CNGA1: variants seen among roughly 807,000 people sequenced by gnomAD.
CNGA1 encodes the protein cyclic nucleotide-gated channel alpha-1.
Under a neutral mutation model 69.7 loss-of-function variants are expected in CNGA1, and 53 were observed. That is an observed-to-expected ratio of 0.76 (90% CI 0.61 to 0.96). The LOEUF (loss-of-function observed/expected upper bound fraction) is 0.96, where lower values mean the gene tolerates loss of function less well. CNGA1 is among the 40% of genes least tolerant of loss of function. CNGA1 has a pLI of 0.00. For missense variants in CNGA1, 739 were observed against 811.2 expected (o/e 0.91, Z 1.08); for synonymous variants, 249 against 283.5 (o/e 0.88, Z 1.22).
intron 2 of CNGA1, among the ~76,000 whole-genome samples, chr4:48,001,917 G>A (rs1714678767): frequency 1.3e-5 from 2 of 152,048 alleles, no homozygotes; most frequent in South Asian, 2.1e-4. Flanking sequence ...TGGAAATCAA[G>A]GAACACATTC....
In CNGA1 at chr4:47,972,843, CT is replaced by C. The variant is rs1741115721; in HGVS notation, c.-15+8549del. On this transcript the variant is annotated intron_variant, in intron 3 of 10. Coordinates refer to ENST00000514170, the MANE Select transcript of CNGA1 (RefSeq NM_001379270.1). ...TTAACTACAATTTAATTTTACCTTT[CT>C]GAAGCATAAAATCCTGCCATCTACT... Among the ~76,000 whole-genome samples the C allele has an allele frequency of 1.3e-5, 2 of 152,136 alleles. 1 individual carries two copies. The highest frequency in any genetic ancestry group is 4.1e-4 in the South Asian group (2 of 4,834).
Position 48,016,673 on chromosome 4 carries a change from G to A in CNGA1, c.-413C>T, listed in dbSNP as rs537743235. On this transcript the variant is annotated 5_prime_UTR_variant, in exon 1 of 11. Coordinates refer to ENST00000514170, the MANE Select transcript of CNGA1 (RefSeq NM_001379270.1). ...AACAAGCCCCGGGCAGCAGGGCTCGGCTGGCGCTGAGGCCCCGCCTGGCCA... is the reference window on the plus strand; with the variant it reads ...AACAAGCCCCGGGCAGCAGGGCTCGACTGGCGCTGAGGCCCCGCCTGGCCA... 3 of 602,658 alleles carry A rather than the reference G, an allele frequency of 5.0e-6. No homozygotes were observed. The highest frequency in any genetic ancestry group is 4.0e-5 in the African/African-American group (2 of 50,364). 37.3% of individuals were successfully genotyped at this position (602,658 alleles called of 1,614,324 possible).
intron 2 of CNGA1, among the ~76,000 whole-genome samples, chr4:47,992,894 T>A (rs541199739): frequency 6.6e-6 from 1 of 152,166 alleles, no homozygotes; most frequent in Admixed American, 6.6e-5. Context: ...AGAGTTTTAA[T>A]CATAAAAGGA....
At chr4:48,011,279 A>C (rs1463485128) in intron 1 of CNGA1, among the ~76,000 whole-genome samples, 1 of 151,276 alleles carries the variant, frequency 6.6e-6, no homozygotes, top group African/African-American at 2.4e-5. Flanking sequence ...TGAAGAACAC[A>C]GAATTCAGTC....
intron 2 of CNGA1, among the ~76,000 whole-genome samples, chr4:47,982,683 T>C (rs1741774897): frequency 6.6e-6 from 1 of 152,110 alleles, no homozygotes; most frequent in African/African-American, 2.4e-5. Flanking sequence ...TATCGCTAAA[T>C]ATCTATCTAA....
In CNGA1 at chr4:47,936,209, T is replaced by C. The variant is rs1484578513; in HGVS notation, c.*212A>G. Reference sequence around the variant, plus strand: ...TTAATCAGTTTATATCTTTGCACATTATCAGTTGTGAAAAATCCCAAGATA... The same window carrying C: ...TTAATCAGTTTATATCTTTGCACATCATCAGTTGTGAAAAATCCCAAGATA... On this transcript the variant is annotated 3_prime_UTR_variant, in exon 11 of 11. Coordinates refer to ENST00000514170, the MANE Select transcript of CNGA1 (RefSeq NM_001379270.1). The C allele has an allele frequency of 3.3e-6, 2 of 601,624 alleles. No homozygotes were observed. The highest frequency in any genetic ancestry group is 5.9e-6 in the Non-Finnish European group (2 of 340,834). 37.3% of individuals were successfully genotyped at this position (601,624 alleles called of 1,614,324 possible).
chr4:47,996,940 C>T lies in CNGA1; in HGVS notation c.-123+13854G>A, dbSNP rs181801245. On this transcript the variant is annotated intron_variant, in intron 2 of 10. Transcript: ENST00000514170. ...GCTGGGCTTGGCACACATCTGTAGT[C>T]CCCCAGCTACTCAGGAGGCTGAGGC... Among the ~76,000 whole-genome samples the T allele has an allele frequency of 9.2e-3, 1,404 of 151,974 alleles. 5 individuals carry two copies. The highest frequency in any genetic ancestry group is 0.019 in the South Asian group (93 of 4,794).
chr4:47,948,428 G>C (rs972130913), intron 6 of CNGA1, among the ~76,000 whole-genome samples: 3 of 152,172 alleles, frequency 2.0e-5, no homozygotes, highest in Non-Finnish European at 2.9e-5. Context: ...CATTGGTCTG[G>C]GAACTATGGG....
At chr4:48,004,073 C>T (rs933987127) in intron 2 of CNGA1, among the ~76,000 whole-genome samples, 3 of 152,194 alleles carry the variant, frequency 2.0e-5, no homozygotes, top group African/African-American at 2.4e-5. Context: ...CTGGCTCTGC[C>T]GTTTAGTTAG....
rs1244622713 is a variant in CNGA1 at position 47,998,620 on chromosome 4, C to T, written c.-123+12174G>A. Among the ~76,000 whole-genome samples the T allele has an allele frequency of 2.0e-5, 3 of 151,504 alleles. No homozygotes were observed. In the East Asian group the frequency reaches 5.8e-4, roughly 29 times the overall value. On this transcript the variant is annotated intron_variant, in intron 2 of 10. Transcript: ENST00000514170. ...TGAAAACCCGTCTCTACTAAAAATA[C>T]AAAAAAAATTAGCTGGGCAAGGTGG...
At chr4:48,002,683 C>CAAAAAA (rs34405949) in intron 2 of CNGA1, among the ~76,000 whole-genome samples, 53 of 117,662 alleles carry the variant, frequency 4.5e-4, no homozygotes, top group Non-Finnish European at 7.3e-4. Context: ...GTCAGACATG[C>CAAAAAA]AAAAAAAAAA....
rs189852039 is a variant in CNGA1 at position 47,996,152 on chromosome 4, G to A, written c.-123+14642C>T. Among the ~76,000 whole-genome samples, 77 of 152,136 alleles carry A rather than the reference G, an allele frequency of 5.1e-4. No homozygotes were observed. The South Asian group carries it at 0.012, about 23-fold the overall frequency. On this transcript the variant is annotated intron_variant, in intron 2 of 10. Transcript: ENST00000514170. ...ATTCTGGTGCAAAAATTCATGACAC[G>A]AGCCTCCACACACTGCTCTGTCTAT...
At chr4:47,945,230 T>A (rs1450709724) in intron 6 of CNGA1, among the ~76,000 whole-genome samples, 7 of 152,214 alleles carry the variant, frequency 4.6e-5, no homozygotes, top group Non-Finnish European at 8.8e-5. Flanking sequence ...ATTTAAATTT[T>A]AAAAAAATCA....
chr4:47,954,493 C>A (rs370160437), intron 3 of CNGA1, among the ~76,000 whole-genome samples: 19 of 152,258 alleles, frequency 1.2e-4, no homozygotes, highest in African/African-American at 3.9e-4. Context: ...GGGAGGGGAC[C>A]AAACAGGTGA....
At chr4:47,938,173 CAAA>C (rs10717851) in intron 10 of CNGA1, among the ~76,000 whole-genome samples, 3 of 126,474 alleles carry the variant, frequency 2.4e-5, no homozygotes, top group Non-Finnish European at 3.4e-5. Flanking sequence ...GACCCTGTCT[CAAA>C]AAAAAAAAAA....
chr4:48,008,327 C>T (rs1334264461), intron 2 of CNGA1, among the ~76,000 whole-genome samples: 1 of 152,122 alleles, frequency 6.6e-6, no homozygotes, highest in East Asian at 1.9e-4. Flanking sequence ...TATTCTTTCT[C>T]ATATAAAATT....
chr4:47,969,936 C>T (rs1740927192), intron 3 of CNGA1, among the ~76,000 whole-genome samples: 2 of 152,040 alleles, frequency 1.3e-5, no homozygotes, highest in South Asian at 4.1e-4. Context: ...TGATATATGC[C>T]TTCAAGAAAT....
At chr4:47,964,669 C>A (rs1354513603) in intron 3 of CNGA1, among the ~76,000 whole-genome samples, 1 of 152,092 alleles carries the variant, frequency 6.6e-6, no homozygotes, top group African/African-American at 2.4e-5. Flanking sequence ...AATAGACCAT[C>A]TTTTCCCTAC....
intron 2 of CNGA1, among the ~76,000 whole-genome samples, chr4:47,989,253 T>C (rs1032737367): frequency 2.6e-5 from 4 of 152,190 alleles, no homozygotes; most frequent in Admixed American, 1.3e-4. Flanking sequence ...GAGCAAACTA[T>C]CTTTGGTTAT....
Sources: gnomAD v4.1 joint callset for allele counts (sites outside exome capture counted in the v4.1 genomes callset) on GRCh38, gnomAD v4.1.1 for gene constraint, MANE v1.5 for transcripts, NCBI Gene and HGNC (gene_info 2026-07-23, HGNC 2026-07-21) for gene names.